The following TAFA1 variants were observed in gnomAD, a reference collection of about 807,000 sequenced individuals.
TAFA1 encodes the protein TAFA chemokine like family member 1, also known as chemokine-like protein TAFA-1.
In TAFA1, 4 loss-of-function variants were observed where a neutral mutation model predicts 18.5. The observed-to-expected ratio is 0.22, with a 90% CI of 0.11 to 0.49. The LOEUF is 0.49. Among genes scored for constraint, TAFA1 ranks in the 20% least tolerant of loss-of-function variants. The pLI is 0.98. For synonymous variants in TAFA1, 56 were observed against 55.2 expected, an observed-to-expected ratio of 1.01 and a Z score of -0.06; for missense variants, 147 against 169.0, an observed-to-expected ratio of 0.87 and a Z score of 0.72.
chr3:68,227,971 G>A (rs2107108987), intron 2 of TAFA1, among the ~76,000 whole-genome samples: 1 of 152,292 alleles, frequency 6.6e-6, no homozygotes, highest in East Asian at 1.9e-4. Flanking sequence ...GCTGCCTTGT[G>A]GAGAAAACAG....
At chr3:68,417,204 C>A in intron 2 of TAFA1, 76 bp from the exon 3 acceptor site, 1 of 1,274,128 alleles carries the variant, frequency 7.8e-7, no homozygotes, top group Non-Finnish European at 1.1e-6. Flanking sequence ...CTCAACCCCG[C>A]TACATGCACT....
At chr3:68,111,775 TGAGAAAGAGA>T (rs983346184) in intron 2 of TAFA1, among the ~76,000 whole-genome samples, 2 of 26,230 alleles carry the variant, frequency 7.6e-5, no homozygotes, top group African/African-American at 1.5e-4. Flanking sequence ...GACACACACA[TGAGAAAGAGA>T]GAGAGAGAGA....
intron 3 of TAFA1, among the ~76,000 whole-genome samples, chr3:68,484,770 T>C (rs917752894): frequency 2.0e-5 from 3 of 152,236 alleles, no homozygotes; most frequent in South Asian, 4.1e-4. Context: ...TTAATCTTCA[T>C]ACACTTGGCC....
intron 2 of TAFA1, among the ~76,000 whole-genome samples, chr3:68,261,077 A>G (rs1484098542): frequency 6.6e-6 from 1 of 152,176 alleles, no homozygotes; most frequent in Non-Finnish European, 1.5e-5. Flanking sequence ...TTTACAAGAA[A>G]AAAAAAACCA....
At chr3:68,534,887 CA>C (rs1187019375) in intron 3 of TAFA1, among the ~76,000 whole-genome samples, 23 of 145,826 alleles carry the variant, frequency 1.6e-4, no homozygotes, top group Middle Eastern at 3.6e-3. Context: ...GAGGCAACAC[CA>C]AAAAAAAAAT....
chr3:68,070,984 GTCT>G (rs2064747596), intron 2 of TAFA1, among the ~76,000 whole-genome samples: 1 of 152,114 alleles, frequency 6.6e-6, no homozygotes, highest in African/African-American at 2.4e-5. Flanking sequence ...ACATTTTCTT[GTCT>G]TCTTCTGACC....
intron 2 of TAFA1, among the ~76,000 whole-genome samples, chr3:68,164,971 T>G (rs1486615674): frequency 2.0e-5 from 3 of 152,192 alleles, no homozygotes; most frequent in Non-Finnish European, 2.9e-5. Context: ...ATATTTGAAG[T>G]CCATGAATCC....
chr3:68,309,135 C>T (rs966528719), intron 2 of TAFA1, among the ~76,000 whole-genome samples: 6 of 152,160 alleles, frequency 3.9e-5, no homozygotes, highest in Non-Finnish European at 7.4e-5. Context: ...ACCCCTGGTA[C>T]TCTGAATCCC....
intron 2 of TAFA1, among the ~76,000 whole-genome samples, chr3:68,140,501 GT>G (rs2065656485): frequency 6.6e-6 from 1 of 152,178 alleles, no homozygotes. Flanking sequence ...GGAAGTGCAT[GT>G]ATTACCAACT....
intron 2 of TAFA1, among the ~76,000 whole-genome samples, chr3:68,372,224 A>G (rs1214374670): frequency 6.6e-6 from 1 of 152,222 alleles, no homozygotes; most frequent in South Asian, 2.1e-4. Flanking sequence ...TTTGAAATAC[A>G]ATAAGGACAG....
At chr3:68,117,461 T>A (rs2065337770) in intron 2 of TAFA1, among the ~76,000 whole-genome samples, 1 of 152,340 alleles carries the variant, frequency 6.6e-6, no homozygotes, top group East Asian at 1.9e-4. Flanking sequence ...CCCAGCTGAA[T>A]TTAATGATAG....
chr3:68,137,289 C>T (rs2065620602), intron 2 of TAFA1, among the ~76,000 whole-genome samples: 1 of 149,676 alleles, frequency 6.7e-6, no homozygotes, highest in African/African-American at 2.5e-5. Flanking sequence ...TTTTGTTGTT[C>T]TTTCAATTTT....
chr3:68,543,289 G>A (rs918069492), intron 4 of TAFA1, among the ~76,000 whole-genome samples: 3 of 152,078 alleles, frequency 2.0e-5, no homozygotes, highest in Non-Finnish European at 4.4e-5. Flanking sequence ...GCAGGAAGAG[G>A]AAGAGGAGGA....
chr3:68,095,787 T>G (rs1219902127), intron 2 of TAFA1, among the ~76,000 whole-genome samples: 1 of 152,196 alleles, frequency 6.6e-6, no homozygotes, highest in Non-Finnish European at 1.5e-5. Context: ...ATTAGTTAAT[T>G]TTAAGGAAGT....
At chr3:68,353,050 T>C (rs2069298322) in intron 2 of TAFA1, among the ~76,000 whole-genome samples, 1 of 152,088 alleles carries the variant, frequency 6.6e-6, no homozygotes, top group Admixed American at 6.6e-5. Flanking sequence ...AAATTGGGCC[T>C]TTTAACAAAT....
intron 3 of TAFA1, among the ~76,000 whole-genome samples, chr3:68,468,143 A>C (rs890502760): frequency 7.2e-5 from 11 of 152,188 alleles, no homozygotes; most frequent in Non-Finnish European, 1.3e-4. Context: ...GAAAACCAAG[A>C]GATAGTGATA....
At chr3:68,471,887 G>A (rs1387045328) in intron 3 of TAFA1, among the ~76,000 whole-genome samples, 1 of 152,182 alleles carries the variant, frequency 6.6e-6, no homozygotes, top group East Asian at 1.9e-4. Flanking sequence ...CTATCTGAGT[G>A]TACCCCCATT....
At chr3:68,052,548 A>G (rs1258610856) in intron 2 of TAFA1, among the ~76,000 whole-genome samples, 1 of 152,198 alleles carries the variant, frequency 6.6e-6, no homozygotes. Flanking sequence ...ATCAGCGAAC[A>G]ACTTACACTC....
At chr3:68,231,795 G>A (rs1298432269) in intron 2 of TAFA1, among the ~76,000 whole-genome samples, 8 of 151,950 alleles carry the variant, frequency 5.3e-5, no homozygotes, top group African/African-American at 1.7e-4. Flanking sequence ...TCAGCTTTAG[G>A]GCCTTTCCAT....
Sources: allele counts gnomAD v4.1 joint callset (sites outside exome capture counted in the v4.1 genomes callset), GRCh38; gene constraint gnomAD v4.1.1; transcripts MANE v1.5; gene names NCBI Gene and HGNC (gene_info 2026-07-23, HGNC 2026-07-21).